The following CADPS variants were observed in gnomAD, a reference collection of about 807,000 sequenced individuals.
CADPS encodes calcium dependent secretion activator.
Under a neutral mutation model 167.3 loss-of-function variants are expected in CADPS, and 57 were observed. The observed-to-expected ratio is 0.34, with a 90% CI of 0.28 to 0.42. The LOEUF (loss-of-function observed/expected upper bound fraction) is 0.42, where lower values mean the gene tolerates loss of function less well. Among genes scored for constraint, CADPS ranks in the 20% least tolerant of loss-of-function variants. The pLI is 1.00. For missense variants in CADPS, 1,414 were observed against 1,738.1 expected, an observed-to-expected ratio of 0.81 and a Z score of 3.32; for synonymous variants, 676 against 635.3, an observed-to-expected ratio of 1.06 and a Z score of -0.96.
At chr3:62,405,727 G>T (rs1437318499) in intron 28 of CADPS, among the ~76,000 whole-genome samples, 8 of 152,120 alleles carry the variant, frequency 5.3e-5, no homozygotes, top group Admixed American at 5.2e-4. Context: ...TCTAGCAAAA[G>T]AAGTGTAAAA....
intron 28 of CADPS, among the ~76,000 whole-genome samples, chr3:62,405,590 C>T (rs1012290059): frequency 2.0e-5 from 3 of 152,058 alleles, no homozygotes; most frequent in African/African-American, 4.8e-5. Flanking sequence ...CAATCTTGCT[C>T]GGCTGCCGAA....
At chr3:62,628,329 G>A (rs1241601277) in intron 6 of CADPS, among the ~76,000 whole-genome samples, 1 of 151,980 alleles carries the variant, frequency 6.6e-6, no homozygotes, top group Non-Finnish European at 1.5e-5. Context: ...ATTTTCTTCT[G>A]GGCTCAGAAA....
intron 1 of CADPS, among the ~76,000 whole-genome samples, chr3:62,801,073 C>A (rs73108358): frequency 4.6e-5 from 7 of 151,998 alleles, no homozygotes; most frequent in Non-Finnish European, 7.4e-5. Context: ...GGTGACTAAC[C>A]TTGGACTGTG....
intron 26 of CADPS, among the ~76,000 whole-genome samples, chr3:62,461,522 C>G (rs573711917): frequency 6.6e-6 from 1 of 152,188 alleles, no homozygotes; most frequent in Non-Finnish European, 1.5e-5. Flanking sequence ...CCAGTCAAGT[C>G]TCCACCCCCA....
At chr3:62,735,228 C>G (rs1564470304) in intron 3 of CADPS, among the ~76,000 whole-genome samples, 2 of 151,984 alleles carry the variant, frequency 1.3e-5, no homozygotes, top group Non-Finnish European at 2.9e-5. Flanking sequence ...GTCAAAAAAG[C>G]AGTGGCAGAA....
At chr3:62,725,171 A>C (rs2076509518) in intron 3 of CADPS, among the ~76,000 whole-genome samples, 1 of 143,098 alleles carries the variant, frequency 7.0e-6, no homozygotes, top group Non-Finnish European at 1.5e-5. Context: ...AAAATCTAAA[A>C]TCTAGTAGAA....
At chr3:62,638,339 T>C (rs2066745027) in intron 6 of CADPS, among the ~76,000 whole-genome samples, 1 of 152,130 alleles carries the variant, frequency 6.6e-6, no homozygotes, top group African/African-American at 2.4e-5. Flanking sequence ...AATAACTCTA[T>C]GACATTCTTT....
In CADPS at chr3:62,770,045, G is replaced by C. The variant is rs143503757; in HGVS notation, c.442-4061C>G. 3.9e-5 allele frequency among the ~76,000 whole-genome samples: 6 copies of C among 152,306 alleles called. No individual in the cohort carries two copies. In the East Asian group the frequency reaches 1.2e-3, roughly 29 times the overall value. ...GCATGACGTACCCTGACTTTGACTTGCTCCACTTTGCTCTTTACTTACTCT... is the reference window on the plus strand; with the variant it reads ...GCATGACGTACCCTGACTTTGACTTCCTCCACTTTGCTCTTTACTTACTCT... On this transcript the variant is annotated intron_variant, in intron 1 of 29. Transcript: ENST00000383710.
At chr3:62,710,067 A>G (rs908010937) in intron 3 of CADPS, among the ~76,000 whole-genome samples, 1 of 152,106 alleles carries the variant, frequency 6.6e-6, no homozygotes, top group Non-Finnish European at 1.5e-5. Context: ...GTGCCTGGCC[A>G]GGTTCTATGT....
chr3:62,818,433 AT>A (rs2094731098), intron 1 of CADPS, among the ~76,000 whole-genome samples: 1 of 152,212 alleles, frequency 6.6e-6, no homozygotes, highest in South Asian at 2.1e-4. Context: ...TAATAAGCAC[AT>A]GAAAAAGTGC....
At chr3:62,739,659 T>C (rs922371253) in intron 3 of CADPS, among the ~76,000 whole-genome samples, 1 of 152,200 alleles carries the variant, frequency 6.6e-6, no homozygotes, top group African/African-American at 2.4e-5. Context: ...GAACTCTACT[T>C]AGCTTGAGTT....
intron 1 of CADPS, among the ~76,000 whole-genome samples, chr3:62,864,003 A>G (rs374040139): frequency 9.2e-5 from 14 of 152,214 alleles, no homozygotes; most frequent in African/African-American, 2.4e-4. Flanking sequence ...GACCTGTGTC[A>G]TCTGTGAACT....
At chr3:62,568,825 A>G (rs2080774851) in intron 9 of CADPS, among the ~76,000 whole-genome samples, 2 of 152,208 alleles carry the variant, frequency 1.3e-5, no homozygotes, top group Admixed American at 6.5e-5. Flanking sequence ...TGGATGGGTA[A>G]TTCAGCCTTT....
At position 62,409,053 on chromosome 3, in the gene CADPS, A is replaced by G. The variant is rs555426686; in HGVS notation, c.3778-5868T>C. On this transcript the variant is annotated intron_variant, in intron 28 of 29. Coordinates refer to ENST00000383710, the MANE Select transcript of CADPS (RefSeq NM_003716.4). ...ATAATGTTCAGGCACTACACGAAATATACTACAAGCATTATATAGTTTAAT... is the reference window on the plus strand; with the variant it reads ...ATAATGTTCAGGCACTACACGAAATGTACTACAAGCATTATATAGTTTAAT... Among the ~76,000 whole-genome samples, 19 of 152,366 alleles carry G rather than the reference A, an allele frequency of 1.2e-4. No individual in the cohort carries two copies. The South Asian group carries it at 3.7e-3, about 30-fold the overall frequency.
intron 3 of CADPS, among the ~76,000 whole-genome samples, chr3:62,692,121 T>C (rs1349424917): frequency 1.3e-5 from 2 of 151,932 alleles, no homozygotes; most frequent in Non-Finnish European, 2.9e-5. Context: ...GTATTTTAGA[T>C]CAGTCCTCAA....
chr3:62,862,217 GTTTTTTTT>G (rs34987223), intron 1 of CADPS, among the ~76,000 whole-genome samples: 6 of 131,836 alleles, frequency 4.6e-5, no homozygotes, highest in Non-Finnish European at 9.8e-5. Context: ...GAAAACAGTG[GTTTTTTTT>G]TTTTTTTTTT....
chr3:62,729,499 T>G (rs1271585907), intron 3 of CADPS, among the ~76,000 whole-genome samples: 1 of 151,892 alleles, frequency 6.6e-6, no homozygotes, highest in Non-Finnish European at 1.5e-5. Flanking sequence ...AAGAGCTCAG[T>G]CTTTAATATC....
At chr3:62,636,254 A>T (rs1402128841) in intron 6 of CADPS, among the ~76,000 whole-genome samples, 1 of 152,200 alleles carries the variant, frequency 6.6e-6, no homozygotes, top group Non-Finnish European at 1.5e-5. Context: ...CATAACAATG[A>T]CAGTGGCACA....
chr3:62,800,918 T>C (rs967878167), intron 1 of CADPS, among the ~76,000 whole-genome samples: 5 of 152,200 alleles, frequency 3.3e-5, no homozygotes, highest in African/African-American at 1.2e-4. Flanking sequence ...TTTCTATTTT[T>C]ATACAAAACC....
Sources: gnomAD v4.1 joint callset for allele counts (sites outside exome capture counted in the v4.1 genomes callset) on GRCh38, gnomAD v4.1.1 for gene constraint, MANE v1.5 for transcripts, NCBI Gene and HGNC (gene_info 2026-07-23, HGNC 2026-07-21) for gene names.